The following RPS6KA5 variants were observed in gnomAD, a reference collection of about 807,000 sequenced individuals.
RPS6KA5 encodes ribosomal protein S6 kinase A5.
A neutral mutation model predicts 85.5 loss-of-function variants in RPS6KA5; 27 were observed. The ratio of observed to expected loss-of-function variants is 0.32; its 90% confidence interval spans 0.23 to 0.44. The LOEUF is 0.44. Among genes scored for constraint, RPS6KA5 ranks in the 20% least tolerant of loss-of-function variants. RPS6KA5 has a pLI of 1.00. For synonymous variants in RPS6KA5, 334 were observed against 348.2 expected, an observed-to-expected ratio of 0.96 and a Z score of 0.46; for missense variants, 811 against 980.9, an observed-to-expected ratio of 0.83 and a Z score of 2.31.
At chr14:90,897,881 T>G (rs982617608) in intron 12 of RPS6KA5, among the ~76,000 whole-genome samples, 1 of 152,156 alleles carries the variant, frequency 6.6e-6, no homozygotes, top group African/African-American at 2.4e-5. Flanking sequence ...AACAGGAGAC[T>G]GTCTAGTGAG....
chr14:90,891,560 C>G (rs554775054), intron 13 of RPS6KA5, among the ~76,000 whole-genome samples: 2 of 152,052 alleles, frequency 1.3e-5, no homozygotes, highest in East Asian at 3.9e-4. Context: ...ATCCATTATG[C>G]CTTTATAGTC....
At chr14:90,964,267 GC>G (rs1490768026) in intron 3 of RPS6KA5, among the ~76,000 whole-genome samples, 5 of 152,060 alleles carry the variant, frequency 3.3e-5, no homozygotes, top group Admixed American at 2.6e-4. Context: ...AGCCTTGGGC[GC>G]CTTTTTTTAT....
chr14:90,885,246 T>C (rs2034114770), intron 14 of RPS6KA5, among the ~76,000 whole-genome samples: 1 of 144,628 alleles, frequency 6.9e-6, no homozygotes, highest in African/African-American at 2.6e-5. Context: ...GAGCAGGATC[T>C]TGTCTCAAAA....
chr14:90,961,196 A>T (rs1248200272), intron 3 of RPS6KA5, among the ~76,000 whole-genome samples: 1 of 152,224 alleles, frequency 6.6e-6, no homozygotes, highest in East Asian at 1.9e-4. Flanking sequence ...GATGAATCTC[A>T]TCCCAATAAA....
intron 1 of RPS6KA5, among the ~76,000 whole-genome samples, chr14:91,036,212 T>A (rs892670081): frequency 6.6e-6 from 1 of 152,176 alleles, no homozygotes; most frequent in African/African-American, 2.4e-5. Context: ...CCAACCTGTA[T>A]GGACAGTTAA....
At chr14:90,934,705 T>C (rs1027733084) in intron 5 of RPS6KA5, among the ~76,000 whole-genome samples, 6 of 152,166 alleles carry the variant, frequency 3.9e-5, no homozygotes, top group African/African-American at 1.4e-4. Context: ...TCCAAAAATT[T>C]CTGCCATAAG....
chr14:90,923,263 T>A, intron 5 of RPS6KA5, 67 bp from the exon 6 acceptor site: 1 of 1,243,798 alleles, frequency 8.0e-7, no homozygotes, highest in Non-Finnish European at 1.2e-6. Flanking sequence ...AAGAAGAAAG[T>A]AATACATGTT....
At chr14:90,923,224 T>A in intron 5 of RPS6KA5, 28 bp from the exon 6 acceptor site, 2 of 1,543,818 alleles carry the variant, frequency 1.3e-6, no homozygotes, top group Non-Finnish European at 8.9e-7. Context: ...AAAAGGGATT[T>A]GATTTCAAGC....
At chr14:91,023,453 A>G (rs185447156) in intron 1 of RPS6KA5, among the ~76,000 whole-genome samples, 1 of 151,964 alleles carries the variant, frequency 6.6e-6, no homozygotes, top group East Asian at 1.9e-4. Flanking sequence ...TGCCTGGCTA[A>G]TTTTTGTATT....
intron 3 of RPS6KA5, among the ~76,000 whole-genome samples, chr14:90,955,986 A>C (rs2140401678): frequency 6.6e-6 from 1 of 152,330 alleles, no homozygotes; most frequent in South Asian, 2.1e-4. Context: ...AAATATTCAG[A>C]AATGTAACAA....
rs1204098143 is a variant in RPS6KA5 at position 90,885,345 on chromosome 14, G to T, written c.1836+5142C>A. 2.0e-5 allele frequency among the ~76,000 whole-genome samples: 3 copies of T among 151,340 alleles called. No homozygotes were observed. In the East Asian group the frequency reaches 5.9e-4, roughly 30 times the overall value. On this transcript the variant is annotated intron_variant, in intron 14 of 16. Coordinates refer to ENST00000614987, the MANE Select transcript of RPS6KA5 (RefSeq NM_004755.4). Reference sequence around the variant, plus strand: ...AGGTGGGCAGATCATGAGGTCAGGAGATCGAGAGGCATCCTGGCCAACATG... The same window carrying T: ...AGGTGGGCAGATCATGAGGTCAGGATATCGAGAGGCATCCTGGCCAACATG...
intron 5 of RPS6KA5, among the ~76,000 whole-genome samples, chr14:90,941,826 T>A (rs1251850222): frequency 1.3e-5 from 2 of 152,232 alleles, no homozygotes; most frequent in Admixed American, 6.5e-5. Context: ...TGCATGTCTA[T>A]CTTATCCCTT....
At chr14:90,916,992 A>C (rs764604667) in intron 7 of RPS6KA5, among the ~76,000 whole-genome samples, 1 of 152,196 alleles carries the variant, frequency 6.6e-6, no homozygotes, top group Non-Finnish European at 1.5e-5. Context: ...TTATTTTATA[A>C]AGATTGCCTG....
At chr14:90,988,410 T>A (rs928184758) in intron 2 of RPS6KA5, among the ~76,000 whole-genome samples, 1 of 152,224 alleles carries the variant, frequency 6.6e-6, no homozygotes, top group African/African-American at 2.4e-5. Flanking sequence ...TTATTATGTG[T>A]CAGGCAATCA....
At chr14:90,971,091 G>A (rs1044141456) in intron 3 of RPS6KA5, among the ~76,000 whole-genome samples, 1 of 152,130 alleles carries the variant, frequency 6.6e-6, no homozygotes, top group Admixed American at 6.5e-5. Context: ...GCCAGGGCGA[G>A]CAGATTACCG....
chr14:91,053,790 T>C (rs1389605691), intron 1 of RPS6KA5, among the ~76,000 whole-genome samples: 1 of 152,132 alleles, frequency 6.6e-6, no homozygotes, highest in East Asian at 1.9e-4. Flanking sequence ...AACTAAAAAT[T>C]CAATGAGATC....
At chr14:91,055,242 G>A (rs1190911016) in intron 1 of RPS6KA5, among the ~76,000 whole-genome samples, 2 of 152,164 alleles carry the variant, frequency 1.3e-5, no homozygotes, top group Non-Finnish European at 2.9e-5. Flanking sequence ...ACTTTGTTTA[G>A]CTTTGTTTTA....
intron 14 of RPS6KA5, among the ~76,000 whole-genome samples, 168 bp from the exon 15 acceptor site, chr14:90,875,528 T>C (rs2033402436): frequency 6.6e-6 from 1 of 152,126 alleles, no homozygotes; most frequent in Admixed American, 6.5e-5. Flanking sequence ...GAAATACCAT[T>C]TGACCCAGCC....
Position 90,850,118 on chromosome 14 carries a change from G to A in RPS6KA5, c.*21956C>T, listed in dbSNP as rs1205233980. ...TTTTCTAGTCTGGGAAGGGATCTGT[G>A]GGCTTTCTACAAGGGAGCAAACAAC... On this transcript the variant is annotated 3_prime_UTR_variant, in exon 17 of 17. Coordinates refer to ENST00000614987, the MANE Select transcript of RPS6KA5 (RefSeq NM_004755.4). 2 of 152,206 alleles carry A rather than the reference G, an allele frequency of 1.3e-5. No individual in the cohort carries two copies. The highest frequency in any genetic ancestry group is 2.9e-5 in the Non-Finnish European group (2 of 68,038). The allele number at this position is 152,206 out of a possible 1,614,324, so 9.4% of individuals were successfully genotyped here.
Sources: gnomAD v4.1 joint callset for allele counts (sites outside exome capture counted in the v4.1 genomes callset) on GRCh38, gnomAD v4.1.1 for gene constraint, MANE v1.5 for transcripts, NCBI Gene and HGNC (gene_info 2026-07-23, HGNC 2026-07-21) for gene names.